ARHGAP23: variants seen among roughly 807,000 people sequenced by gnomAD.
The protein encoded by ARHGAP23 is Rho GTPase activating protein 23.
In ARHGAP23, 34 loss-of-function variants were observed where a neutral mutation model predicts 136.3. That is an observed-to-expected ratio of 0.25 (90% CI 0.19 to 0.33). ARHGAP23 has a LOEUF of 0.33. Ranked by LOEUF, ARHGAP23 falls within the 10% of genes least tolerant of loss-of-function variation. The pLI, the probability that ARHGAP23 is intolerant of heterozygous loss-of-function variation, is 1.00. For synonymous variants in ARHGAP23, 832 were observed against 920.5 expected, an observed-to-expected ratio of 0.90 and a Z score of 1.74; for missense variants, 1,808 against 2,139.0, an observed-to-expected ratio of 0.85 and a Z score of 3.05.
In ARHGAP23 at chr17:38,481,735, A is replaced by G. The variant is rs556508048; in HGVS notation, c.2630-287A>G. 7.4e-4 allele frequency among the ~76,000 whole-genome samples: 113 copies of G among 152,274 alleles called. 1 individual carries two copies. In the South Asian group the frequency reaches 0.023, roughly 31 times the overall value. On this transcript the variant is annotated intron_variant, in intron 14 of 23. Transcript: ENST00000622683. ...GATCATACCACTGCACTACAGCCTG[A>G]GCGACAGAGACTCTATCTCTAAAGA... is the stretch of plus-strand genomic sequence containing the variant.
chr17:38,435,686 T>C (rs1211811224), intron 1 of ARHGAP23, among the ~76,000 whole-genome samples: 1 of 152,066 alleles, frequency 6.6e-6, no homozygotes, highest in Non-Finnish European at 1.5e-5. Context: ...CACTGCAACC[T>C]CTCCCGGGTT....
chr17:38,453,307 G>A (rs1027996188), intron 1 of ARHGAP23, among the ~76,000 whole-genome samples: 3 of 151,762 alleles, frequency 2.0e-5, no homozygotes. Context: ...GCAGGTGGAT[G>A]TGTGTGGTGC....
Position 38,498,490 on chromosome 17 carries a change from C to A in ARHGAP23, c.3395C>A (p.Pro1132His). ...CTGCCCAACATTGGCAGGACAGTGCCCCCTGGCGACCCGGGGTCAGGTGAG... is the reference window on the plus strand; with the variant it reads ...CTGCCCAACATTGGCAGGACAGTGCACCCTGGCGACCCGGGGTCAGGTGAG... Reference protein sequence around the residue: ...YLLPNIGRTVPPGDPGSDSTT... With the variant: ...YLLPNIGRTVHPGDPGSDSTT... Residue 1132 changes from proline (P) to histidine (H), a missense_variant, in exon 22 of 24, where the codon CCC (proline) becomes CAC (histidine). Physicochemically the swap from Pro to His is moderately conservative, Grantham distance 77. Transcript: ENST00000622683. The A allele has an allele frequency of 1.3e-6, 2 of 1,547,924 alleles. No individual in the cohort carries two copies. The highest frequency in any genetic ancestry group is 1.7e-6 in the Non-Finnish European group (2 of 1,145,972).
At chr17:38,451,172 A>G (rs2039155507) in intron 1 of ARHGAP23, 1 of 152,208 alleles carries the variant, frequency 6.6e-6, no homozygotes, top group Non-Finnish European at 1.5e-5. Flanking sequence ...CTGGAGGATC[A>G]TTTATTCAAG....
chr17:38,460,924 G>T lies in ARHGAP23; in HGVS notation c.245G>T (p.Arg82Leu). ...CSLKEEENGG[R>L]GGGPSPRYRL... Reference sequence around the variant, plus strand: ...CTGCAGGAGGAAGAGAATGGAGGCCGTGGAGGAGGTAAGGGAGGACTGGCG... The same window carrying T: ...CTGCAGGAGGAAGAGAATGGAGGCCTTGGAGGAGGTAAGGGAGGACTGGCG... Residue 82 changes from arginine to leucine, a missense_variant, in exon 3 of 24, where the codon CGT becomes CTT. Arg to Leu is a moderately radical substitution (Grantham distance 102). Transcript: ENST00000622683. 1 of 1,536,004 alleles carries T rather than the reference G, an allele frequency of 6.5e-7. No individual in the cohort carries two copies. Among genetic ancestry groups the T allele is most frequent in the South Asian group, 1.2e-5 (1 of 84,058 alleles).
chr17:38,448,167 C>G (rs2039075561), intron 1 of ARHGAP23, among the ~76,000 whole-genome samples: 1 of 152,170 alleles, frequency 6.6e-6, no homozygotes, highest in Non-Finnish European at 1.5e-5. Context: ...TGAATCCTCC[C>G]TGCTTGGGAG....
chr17:38,493,249 C>T (rs1384782920), intron 20 of ARHGAP23, among the ~76,000 whole-genome samples: 2 of 148,554 alleles, frequency 1.3e-5, no homozygotes, highest in Non-Finnish European at 3.0e-5. Context: ...GTCGCCCACA[C>T]TGGAGTGCAG....
At chr17:38,478,075 G>A (rs2039940861) in intron 12 of ARHGAP23, among the ~76,000 whole-genome samples, 179 bp downstream of exon 12, 1 of 152,216 alleles carries the variant, frequency 6.6e-6, no homozygotes, top group Admixed American at 6.5e-5. Flanking sequence ...CACAGGCAGG[G>A]CTCACGGGGG....
At chr17:38,473,423 C>T (rs981455402) in intron 11 of ARHGAP23, among the ~76,000 whole-genome samples, 16 of 152,222 alleles carry the variant, frequency 1.1e-4, no homozygotes, top group African/African-American at 2.9e-4. Context: ...CTGATCTGTA[C>T]GATGGGAACA....
chr17:38,441,912 C>A (rs1260193875), intron 1 of ARHGAP23, among the ~76,000 whole-genome samples: 1 of 152,092 alleles, frequency 6.6e-6, no homozygotes, highest in East Asian at 1.9e-4. Context: ...CACAGAGATG[C>A]AAAGAGGATT....
At chr17:38,425,080 T>C (rs776355798), upstream of ARHGAP23, among the ~76,000 whole-genome samples, 1 of 152,220 alleles carries the variant, frequency 6.6e-6, no homozygotes, top group African/African-American at 2.4e-5. Flanking sequence ...GTTCCCGTTA[T>C]GTGCCACGGT....
chr17:38,491,995 G>T (rs2040289545), intron 20 of ARHGAP23, among the ~76,000 whole-genome samples: 1 of 152,220 alleles, frequency 6.6e-6, no homozygotes. Flanking sequence ...GGAGATAGTG[G>T]TGATGTTCCT....
Position 38,477,707 on chromosome 17 carries a change from T to C in ARHGAP23, c.2247T>C (p.Gly749=). 6.5e-7 allele frequency: 1 copy of C among 1,526,896 alleles called. No homozygotes were observed. The highest frequency in any genetic ancestry group is 8.8e-7 in the Non-Finnish European group (1 of 1,135,452). The allele number at this position is 1,526,896 out of a possible 1,614,324, so 94.6% of individuals were successfully genotyped here. A position where few individuals can be genotyped will look rare whatever the true frequency, so the allele number is the denominator to read the frequency against. The change falls in exon 12 of 24, where the codon GGT becomes GGC. Residue 749 remains glycine (G), a synonymous_variant. Coordinates refer to ENST00000622683, the MANE Select transcript of ARHGAP23 (RefSeq NM_001199417.2). The surrounding 1 kb of genome is among the most constrained non-coding windows in gnomAD (Gnocchi z 6.6). ...AAAGAAAAGA[G]EDEAAPVCIG... ...CGGGGGCTGCGGCGGCCGGCGCAGG[T>C]GAGGACGAGGCGGCGCCCGTCTGCA... is the stretch of plus-strand genomic sequence containing the variant.
chr17:38,480,366 G>C (rs1488149270), intron 14 of ARHGAP23, among the ~76,000 whole-genome samples: 2 of 152,192 alleles, frequency 1.3e-5, no homozygotes, highest in Non-Finnish European at 2.9e-5. Context: ...GGGCGCGATG[G>C]CTCACGCCTG....
intron 18 of ARHGAP23, 128 bp downstream of exon 18, chr17:38,490,303 G>A: frequency 8.6e-7 from 1 of 1,157,648 alleles, no homozygotes; most frequent in Non-Finnish European, 1.3e-6. Context: ...TCCACTCAGG[G>A]CCTCAGTTTC....
chr17:38,494,735 T>C lies in ARHGAP23; in HGVS notation c.3277-3050T>C, dbSNP rs534150270. Among the ~76,000 whole-genome samples, 66 of 152,318 alleles carry C rather than the reference T, an allele frequency of 4.3e-4. 1 individual carries two copies. The East Asian group carries it at 0.01, about 24-fold the overall frequency. Reference sequence around the variant, plus strand: ...GGGTGCAGGGCTGGGGTCGTAGTCATGGAGTTCTTGAACTGCCTTAGAGGA... The same window carrying C: ...GGGTGCAGGGCTGGGGTCGTAGTCACGGAGTTCTTGAACTGCCTTAGAGGA... On this transcript the variant is annotated intron_variant, in intron 20 of 23. Transcript: ENST00000622683.
At chr17:38,488,253 G>A (rs1039400274) in intron 17 of ARHGAP23, among the ~76,000 whole-genome samples, 2 of 152,150 alleles carry the variant, frequency 1.3e-5, no homozygotes, top group African/African-American at 2.4e-5. Flanking sequence ...AATCAGATAA[G>A]GGAAATGGTA....
chr17:38,452,159 C>T (rs1672208759), intron 1 of ARHGAP23, among the ~76,000 whole-genome samples: 1 of 152,090 alleles, frequency 6.6e-6, no homozygotes. Flanking sequence ...TCCCTTCCCC[C>T]TCCCCTCCCA....
chr17:38,426,423 G>A (rs1310071186), upstream of ARHGAP23, among the ~76,000 whole-genome samples: 3 of 151,770 alleles, frequency 2.0e-5, no homozygotes, highest in Non-Finnish European at 2.9e-5. Context: ...GGTGGTAGGC[G>A]CCTGTAATCC....
Sources: gnomAD v4.1 joint callset for allele counts (sites outside exome capture counted in the v4.1 genomes callset) on GRCh38, gnomAD v4.1.1 for gene constraint, Gnocchi (gnomAD v3.1) non-coding constraint, MANE v1.5 for transcripts, NCBI Gene and HGNC (gene_info 2026-07-23, HGNC 2026-07-21) for gene names.